Variants in ZNF804B observed in about 807,000 individuals in gnomAD.
ZNF804B encodes the protein zinc finger protein 804B, also known as zinc finger 804B.
In ZNF804B, 80 loss-of-function variants were observed where a neutral mutation model predicts 101.4. That is an observed-to-expected ratio of 0.79 (90% confidence interval 0.66 to 0.95). The LOEUF (loss-of-function observed/expected upper bound fraction) is 0.95. Ranked by LOEUF, ZNF804B falls within the 40% of genes least tolerant of loss-of-function variation. The pLI is 0.00. For missense variants in ZNF804B, 1,673 were observed against 1,561.9 expected, an observed-to-expected ratio of 1.07 and a Z score of -1.20; for synonymous variants, 622 against 558.8, an observed-to-expected ratio of 1.11 and a Z score of -1.59.
chr7:88,785,024 T>A (rs539529457), intron 1 of ZNF804B, among the ~76,000 whole-genome samples: 1 of 152,252 alleles, frequency 6.6e-6, no homozygotes, highest in African/African-American at 2.4e-5. Context: ...ATTCCTGAAG[T>A]CTCAGTCATT....
chr7:89,304,068 C>T (rs1790523859), intron 2 of ZNF804B, among the ~76,000 whole-genome samples: 1 of 151,860 alleles, frequency 6.6e-6, no homozygotes, highest in Non-Finnish European at 1.5e-5. Context: ...TTAATGAAAA[C>T]TTTTAATTAT....
chr7:88,814,578 A>G (rs1790846402), intron 1 of ZNF804B, among the ~76,000 whole-genome samples: 1 of 152,096 alleles, frequency 6.6e-6, no homozygotes, highest in Admixed American at 6.6e-5. Context: ...GTTCATTGAA[A>G]AGACCATGGA....
intron 2 of ZNF804B, among the ~76,000 whole-genome samples, chr7:89,304,215 A>G (rs894469205): frequency 3.3e-5 from 5 of 151,910 alleles, no homozygotes; most frequent in African/African-American, 1.2e-4. Context: ...CTGTGGGACC[A>G]TAGGAACCTA....
intron 1 of ZNF804B, among the ~76,000 whole-genome samples, chr7:89,036,285 T>G (rs1788926393): frequency 6.6e-6 from 1 of 151,622 alleles, no homozygotes; most frequent in African/African-American, 2.4e-5. Flanking sequence ...GAATATTACC[T>G]TAATCATGAG....
At chr7:89,182,479 G>T (rs1419882589) in intron 1 of ZNF804B, among the ~76,000 whole-genome samples, 1 of 152,068 alleles carries the variant, frequency 6.6e-6, no homozygotes, top group African/African-American at 2.4e-5. Context: ...TTTCCCTCTT[G>T]CTGTTGACCA....
chr7:88,916,878 G>T (rs1021137690), intron 1 of ZNF804B, among the ~76,000 whole-genome samples: 37 of 152,256 alleles, frequency 2.4e-4, no homozygotes, highest in African/African-American at 8.9e-4. Flanking sequence ...AGTGTTAATA[G>T]TACTTTGTTT....
intron 1 of ZNF804B, among the ~76,000 whole-genome samples, chr7:88,890,712 T>A (rs1373594083): frequency 6.6e-6 from 1 of 152,214 alleles, no homozygotes; most frequent in Non-Finnish European, 1.5e-5. Context: ...GCTGAGTTAT[T>A]GGTGGATACA....
chr7:88,877,049 A>ATTTT lies in ZNF804B; in HGVS notation c.108+116990_108+116993dup, dbSNP rs869097226. On this transcript the variant is annotated intron_variant, in intron 1 of 3. Coordinates refer to ENST00000333190, the MANE Select transcript of ZNF804B (RefSeq NM_181646.5). ...ATAATATATATATATATATATATAT[A>ATTTT]TTTTTTTTTTTTTTTTTTTTTTTTT... Among the ~76,000 whole-genome samples the ATTTT allele has an allele frequency of 2.9e-3, 41 of 13,914 alleles. 2 individuals carry two copies. The highest frequency in any genetic ancestry group is 3.5e-3 in the Non-Finnish European group (33 of 9,350). 9.1% of individuals were successfully genotyped at this position (13,914 alleles called of 152,430 possible).
At chr7:89,302,661 C>T (rs997769885) in intron 2 of ZNF804B, among the ~76,000 whole-genome samples, 8 of 151,898 alleles carry the variant, frequency 5.3e-5, no homozygotes, top group African/African-American at 1.9e-4. Context: ...AATCTAGCTA[C>T]ACTTCCTGCC....
chr7:88,851,383 GA>G (rs902844732), intron 1 of ZNF804B, among the ~76,000 whole-genome samples: 1 of 151,886 alleles, frequency 6.6e-6, no homozygotes, highest in African/African-American at 2.4e-5. Flanking sequence ...GCAGCCAAAG[GA>G]AAAAAGACAC....
chr7:89,138,391 G>A (rs1046242417), intron 1 of ZNF804B, among the ~76,000 whole-genome samples: 14 of 152,244 alleles, frequency 9.2e-5, no homozygotes, highest in East Asian at 1.9e-4. Flanking sequence ...CGATGTGACC[G>A]TTGTATCTAG....
intron 2 of ZNF804B, among the ~76,000 whole-genome samples, chr7:89,278,646 A>G (rs1177244989): frequency 6.6e-6 from 1 of 151,522 alleles, no homozygotes; most frequent in East Asian, 1.9e-4. Context: ...GGTTTGTCAA[A>G]GATCAGATAG....
chr7:88,900,847 A>C (rs756283461), intron 1 of ZNF804B, among the ~76,000 whole-genome samples: 2 of 151,724 alleles, frequency 1.3e-5, no homozygotes, highest in Non-Finnish European at 3.0e-5. Context: ...CCCACGGAAA[A>C]AAAAACATTA....
rs552705421 is a variant in ZNF804B, at chr7:88,926,835, T to A, written c.108+166751T>A. Among the ~76,000 whole-genome samples the A allele has an allele frequency of 2.6e-5, 4 of 151,896 alleles. No homozygotes were observed. In the East Asian group the frequency reaches 7.8e-4, roughly 29 times the overall value. On this transcript the variant is annotated intron_variant, in intron 1 of 3. Coordinates refer to ENST00000333190, the MANE Select transcript of ZNF804B (RefSeq NM_181646.5). Reference sequence around the variant, plus strand: ...AATTACCCTTACAGCCAATGTAAGATAACAGCAACTAGCAATTGTGTAGAC... The same window carrying A: ...AATTACCCTTACAGCCAATGTAAGAAAACAGCAACTAGCAATTGTGTAGAC...
chr7:89,196,946 A>G (rs1027486630), intron 1 of ZNF804B, among the ~76,000 whole-genome samples: 6 of 152,268 alleles, frequency 3.9e-5, no homozygotes, highest in South Asian at 4.1e-4. Flanking sequence ...CAGAATGGCT[A>G]TTAGTAAAAA....
intron 1 of ZNF804B, among the ~76,000 whole-genome samples, chr7:88,832,761 C>T (rs528260506): frequency 1.9e-4 from 29 of 151,894 alleles, no homozygotes; most frequent in African/African-American, 6.0e-4. Context: ...TCCCTTAGGC[C>T]GAACCTAGCC....
chr7:89,194,581 A>G lies in ZNF804B; in HGVS notation c.109-23574A>G, dbSNP rs530232858. Among the ~76,000 whole-genome samples, 17 of 151,222 alleles carry G rather than the reference A, an allele frequency of 1.1e-4. No homozygotes were observed. The South Asian group carries it at 3.6e-3, about 32-fold the overall frequency. On this transcript the variant is annotated intron_variant, in intron 1 of 3. Transcript: ENST00000333190. ...TTATTAAATAAGGAATCCTTTCCCC[A>G]TTGCTTGTTTTTCTCAGGTTTGTCA...
At chr7:88,924,546 C>A (rs960950097) in intron 1 of ZNF804B, among the ~76,000 whole-genome samples, 1 of 152,080 alleles carries the variant, frequency 6.6e-6, no homozygotes, top group Non-Finnish European at 1.5e-5. Flanking sequence ...TACCTCTATA[C>A]CCCCTGCATT....
At chr7:88,979,292 A>G (rs967687293) in intron 1 of ZNF804B, among the ~76,000 whole-genome samples, 11 of 151,924 alleles carry the variant, frequency 7.2e-5, no homozygotes, top group Admixed American at 2.0e-4. Flanking sequence ...ACTTCAGATG[A>G]TTTCTTTTTG....
Sources: allele counts gnomAD v4.1 joint callset (sites outside exome capture counted in the v4.1 genomes callset), GRCh38; gene constraint gnomAD v4.1.1; transcripts MANE v1.5; gene names NCBI Gene and HGNC (gene_info 2026-07-23, HGNC 2026-07-21).